Variants in RPS29 observed in about 807,000 individuals in gnomAD.
RPS29 encodes ribosomal protein S29, also known as small ribosomal subunit protein uS14.
For synonymous variants in RPS29, 37 were observed against 26.9 expected, an observed-to-expected ratio of 1.37 and a Z score of -1.16; for missense variants, 60 against 75.7, an observed-to-expected ratio of 0.79 and a Z score of 0.77.
At chr14:49,578,630 G>C (rs186991560), downstream of RPS29, among the ~76,000 whole-genome samples, 1 of 125,828 alleles carries the variant, frequency 7.9e-6, no homozygotes, top group Non-Finnish European at 1.6e-5. Flanking sequence ...GCATGATCTC[G>C]ATTCACTGCA....
intron 1 of RPS29, among the ~76,000 whole-genome samples, chr14:49,593,507 C>T (rs1218312517): frequency 6.6e-6 from 1 of 151,800 alleles, no homozygotes; most frequent in Non-Finnish European, 1.5e-5. Context: ...AGTTTGAGAC[C>T]AGCCTGACTA....
At chr14:49,595,283 G>A (rs1036037885) in intron 1 of RPS29, among the ~76,000 whole-genome samples, 11 of 152,120 alleles carry the variant, frequency 7.2e-5, no homozygotes, top group African/African-American at 2.2e-4. Flanking sequence ...TTGTGACCTC[G>A]TTCTTTAAGA....
At chr14:49,584,124 G>C (rs1157998999) in intron 2 of RPS29, among the ~76,000 whole-genome samples, 1 of 152,200 alleles carries the variant, frequency 6.6e-6, no homozygotes, top group Non-Finnish European at 1.5e-5. Flanking sequence ...TGAGACCACA[G>C]GCGCGGATCA....
chr14:49,574,537 G>A (rs1053918104), exon 3 of RPS29: 12 of 152,104 alleles, frequency 7.9e-5, no homozygotes, highest in African/African-American at 2.7e-4. Context: ...GGAAAAAGGC[G>A]TGATTTTTCT....
chr14:49,585,983 G>A lies in RPS29; in HGVS notation c.129C>T (p.Phe43=). Residue 43 remains phenylalanine, a synonymous_variant, in exon 2 of 3, where the codon TTC becomes TTT. Transcript: ENST00000245458. ...KYGLNMCRQC[F]RQYAKDIGFI... ...AACCGATATCCTTCGCGTACTGACG[G>A]AAACACTGGCGGCACATATTGAGGC... 3 of 1,613,870 alleles carry A rather than the reference G, an allele frequency of 1.9e-6. No individual in the cohort carries two copies. Among genetic ancestry groups the A allele is most frequent in the Non-Finnish European group, 2.5e-6 (3 of 1,179,796 alleles).
intron 1 of RPS29, among the ~76,000 whole-genome samples, chr14:49,594,689 A>G (rs1008854682): frequency 2.0e-4 from 30 of 152,378 alleles, no homozygotes; most frequent in African/African-American, 6.3e-4. Flanking sequence ...AAGACTTTCT[A>G]AAAACTCCAC....
At chr14:49,577,299 G>A (rs770829117) in exon 3 of RPS29, 18 of 159,130 alleles carry the variant, frequency 1.1e-4, no homozygotes, top group Admixed American at 1.9e-4. Flanking sequence ...ACGAACAACT[G>A]TCCAAAAGCC....
chr14:49,583,994 T>G (rs995625999), intron 2 of RPS29, among the ~76,000 whole-genome samples: 19 of 152,196 alleles, frequency 1.2e-4, no homozygotes, highest in Non-Finnish European at 2.6e-4. Flanking sequence ...GTTCATCATT[T>G]TTTTTTTGAG....
intron 2 of RPS29, among the ~76,000 whole-genome samples, chr14:49,583,939 C>T (rs935780069): frequency 2.6e-5 from 4 of 152,188 alleles, no homozygotes; most frequent in African/African-American, 9.6e-5. Context: ...ATGATCTTTA[C>T]CAAATGCACA....
At chr14:49,584,603 A>G (rs1217260071) in intron 2 of RPS29, among the ~76,000 whole-genome samples, 1 of 152,088 alleles carries the variant, frequency 6.6e-6, no homozygotes, top group African/African-American at 2.4e-5. Flanking sequence ...CATCTCCACA[A>G]AATAATAAAA....
At chr14:49,588,078 T>G (rs532342670), upstream of RPS29, among the ~76,000 whole-genome samples, 1 of 152,382 alleles carries the variant, frequency 6.6e-6, no homozygotes, top group Admixed American at 6.5e-5. Flanking sequence ...AAAAGCCATT[T>G]GCCTCTCAAA....
chr14:49,577,499 G>T, exon 3 of RPS29: 1 of 516,338 alleles, frequency 1.9e-6, no homozygotes, highest in South Asian at 1.8e-5. Context: ...GAAACATCAT[G>T]AGTGATCTCA....
intron 1 of RPS29, among the ~76,000 whole-genome samples, chr14:49,591,459 A>C (rs1370885472): frequency 2.0e-5 from 3 of 147,292 alleles, no homozygotes; most frequent in African/African-American, 7.6e-5. Context: ...TTACAGGCGC[A>C]TGTCACCACA....
At chr14:49,598,527 C>T (rs1407147338) in exon 1 of RPS29, 6 of 702,388 alleles carry the variant, frequency 8.5e-6, no homozygotes, top group African/African-American at 1.7e-5. Flanking sequence ...CCGTCCGCGC[C>T]GGGAAATGCG....
upstream of RPS29, among the ~76,000 whole-genome samples, chr14:49,588,762 C>G (rs1346232908): frequency 2.0e-5 from 3 of 151,734 alleles, no homozygotes; most frequent in Non-Finnish European, 2.9e-5. Context: ...GTCCTGACCT[C>G]GAGTAATCCA....
At chr14:49,581,811 T>C (rs932167126), downstream of RPS29, among the ~76,000 whole-genome samples, 2 of 151,990 alleles carry the variant, frequency 1.3e-5, no homozygotes, top group African/African-American at 2.4e-5. Flanking sequence ...GGCTGATCAC[T>C]TGAACCCAGG....
chr14:49,573,653 C>A (rs1013009383), exon 3 of RPS29: 3 of 152,124 alleles, frequency 2.0e-5, no homozygotes, highest in African/African-American at 7.2e-5. Context: ...TAGGTCAACA[C>A]CCCTTGGATT....
At chr14:49,590,304 G>A (rs906571116), upstream of RPS29, among the ~76,000 whole-genome samples, 4 of 151,448 alleles carry the variant, frequency 2.6e-5, no homozygotes, top group East Asian at 3.9e-4. Flanking sequence ...GGTGAAACCC[G>A]GTCTCCACTA....
At chr14:49,583,316 C>T (rs1361189121), downstream of RPS29, among the ~76,000 whole-genome samples, 4 of 152,022 alleles carry the variant, frequency 2.6e-5, no homozygotes, top group Non-Finnish European at 4.4e-5. Context: ...TTTGGGGGCC[C>T]AAGGCGAGCA....
Sources: gnomAD v4.1 joint callset for allele counts (sites outside exome capture counted in the v4.1 genomes callset) on GRCh38, gnomAD v4.1.1 for gene constraint, MANE v1.5 for transcripts, NCBI Gene and HGNC (gene_info 2026-07-23, HGNC 2026-07-21) for gene names.